Variants in STARD13 observed in about 807,000 individuals in gnomAD.
The protein encoded by STARD13 is StAR related lipid transfer domain containing 13.
In STARD13, 62 loss-of-function variants were observed where a neutral mutation model predicts 106.4. The observed-to-expected ratio is 0.58, with a 90% confidence interval of 0.48 to 0.72. The LOEUF (loss-of-function observed/expected upper bound fraction) is 0.72, where lower values mean the gene tolerates loss of function less well. Ranked by LOEUF, STARD13 falls within the 30% of genes least tolerant of loss-of-function variation. The pLI is 0.00. For missense variants in STARD13, 1,387 were observed against 1,424.0 expected (o/e 0.97, Z 0.42); for synonymous variants, 565 against 553.0 (o/e 1.02, Z -0.31).
At chr13:33,640,823 T>A in the STARD13 span, among the ~76,000 whole-genome samples, 1 of 152,180 alleles carries the variant, frequency 6.6e-6, no homozygotes. Flanking sequence ...ATAGGAATTG[T>A]TTTTCTTTTT....
chr13:33,484,257 A>G, the STARD13 span, among the ~76,000 whole-genome samples: 7 of 152,294 alleles, frequency 4.6e-5, no homozygotes, highest in African/African-American at 1.7e-4. Context: ...AAACTAAAAC[A>G]TGGTCACAGG....
chr13:33,557,148 C>T, the STARD13 span, among the ~76,000 whole-genome samples: 1 of 152,060 alleles, frequency 6.6e-6, no homozygotes, highest in African/African-American at 2.4e-5. Flanking sequence ...TCCTTTAACC[C>T]CTTAGATTGA....
the STARD13 span, among the ~76,000 whole-genome samples, chr13:33,441,502 C>T: frequency 6.6e-6 from 1 of 152,182 alleles, no homozygotes; most frequent in African/African-American, 2.4e-5. Flanking sequence ...AGCCTCATTT[C>T]CTCATCAGTA....
chr13:33,392,794 C>G, the STARD13 span, among the ~76,000 whole-genome samples: 3 of 152,192 alleles, frequency 2.0e-5, no homozygotes, highest in Non-Finnish European at 4.4e-5. Flanking sequence ...TATGCACTGG[C>G]AGAAACACTT....
At chr13:33,453,583 G>A in the STARD13 span, among the ~76,000 whole-genome samples, 6 of 152,174 alleles carry the variant, frequency 3.9e-5, no homozygotes, top group African/African-American at 1.4e-4. Flanking sequence ...ATCCCAATAA[G>A]AGATGAAGTA....
At chr13:33,150,512 T>C (rs1881134508) in intron 3 of STARD13, among the ~76,000 whole-genome samples, 1 of 152,224 alleles carries the variant, frequency 6.6e-6, no homozygotes, top group South Asian at 2.1e-4. Flanking sequence ...ATTTATCTGC[T>C]CCTGTCTACT....
At chr13:33,486,608 T>C in the STARD13 span, among the ~76,000 whole-genome samples, 1 of 152,220 alleles carries the variant, frequency 6.6e-6, no homozygotes, top group Non-Finnish European at 1.5e-5. Flanking sequence ...CTGTCCTCTT[T>C]CCATCTTTCC....
At chr13:33,432,254 G>A in the STARD13 span, among the ~76,000 whole-genome samples, 1 of 151,942 alleles carries the variant, frequency 6.6e-6, no homozygotes, top group Admixed American at 6.6e-5. Context: ...ATATAATTTT[G>A]GAATCTTTCT....
chr13:33,530,473 T>A, the STARD13 span, among the ~76,000 whole-genome samples: 1 of 151,778 alleles, frequency 6.6e-6, no homozygotes, highest in Non-Finnish European at 1.5e-5. Context: ...TACATTTTTT[T>A]ATGTCTTTTG....
chr13:33,136,520 C>T (rs900775815), intron 4 of STARD13, among the ~76,000 whole-genome samples: 8 of 152,208 alleles, frequency 5.3e-5, no homozygotes, highest in African/African-American at 1.9e-4. Context: ...GATCCTCACC[C>T]TTCCTCTATT....
chr13:33,604,990 C>T, the STARD13 span, among the ~76,000 whole-genome samples: 1 of 151,880 alleles, frequency 6.6e-6, no homozygotes, highest in African/African-American at 2.4e-5. Flanking sequence ...ACCTGTAATC[C>T]TAGCACTTTG....
At chr13:33,499,761 C>CTTTTTTT in the STARD13 span, among the ~76,000 whole-genome samples, 9 of 94,570 alleles carry the variant, frequency 9.5e-5, no homozygotes, top group Non-Finnish European at 1.6e-4. Flanking sequence ...CTTCTTCTTT[C>CTTTTTTT]TTTTTTTTTT....
At chr13:33,338,884 C>CA (rs748411311) in intron 1 of STARD13, among the ~76,000 whole-genome samples, 197 of 120,138 alleles carry the variant, frequency 1.6e-3, no homozygotes, top group African/African-American at 3.5e-3. Context: ...GACTCCGTCT[C>CA]AAAAAAAAAA....
rs140705675 is a variant in STARD13, at chr13:33,297,388, G to A, written c.124+52902C>T. Among the ~76,000 whole-genome samples, 200 of 152,266 alleles carry A rather than the reference G, an allele frequency of 1.3e-3. 5 individuals carry two copies. The East Asian group carries it at 0.033, about 25-fold the overall frequency. On this transcript the variant is annotated intron_variant, in intron 1 of 5. Transcript: ENST00000567873. Reference sequence around the variant, plus strand: ...GAACTTGCTATCTTTTGTAACAAAAGCTCCTCACAATCTTCAATGACCTTA... The same window carrying A: ...GAACTTGCTATCTTTTGTAACAAAAACTCCTCACAATCTTCAATGACCTTA...
At chr13:33,175,978 T>C (rs4291797) in intron 1 of STARD13, among the ~76,000 whole-genome samples, 36,548 of 151,984 alleles carry the variant, frequency 0.24, 6,540 homozygotes, top group African/African-American at 0.5. Context: ...GCCATGTAGG[T>C]GAAAGAAGGA....
At chr13:33,657,283 G>A in the STARD13 span, among the ~76,000 whole-genome samples, 4 of 151,270 alleles carry the variant, frequency 2.6e-5, no homozygotes, top group South Asian at 2.1e-4. Flanking sequence ...AACAAACAAA[G>A]AAAAAAAACA....
chr13:33,520,706 T>C, the STARD13 span, among the ~76,000 whole-genome samples: 1 of 152,036 alleles, frequency 6.6e-6, no homozygotes, highest in Non-Finnish European at 1.5e-5. Flanking sequence ...CAAAAATCCT[T>C]GGAACTTCCC....
chr13:33,385,524 A>G, the STARD13 span, among the ~76,000 whole-genome samples: 1 of 149,648 alleles, frequency 6.7e-6, no homozygotes, highest in South Asian at 2.1e-4. Flanking sequence ...AAGAGCAGAG[A>G]TAAAGGGGAA....
chr13:33,575,682 C>G, the STARD13 span, among the ~76,000 whole-genome samples: 1 of 152,030 alleles, frequency 6.6e-6, no homozygotes, highest in African/African-American at 2.4e-5. Context: ...GCCAGGACGC[C>G]ACTCAGGTTT....
Sources: allele counts gnomAD v4.1 joint callset (sites outside exome capture counted in the v4.1 genomes callset), GRCh38; gene constraint gnomAD v4.1.1; transcripts MANE v1.5; gene names NCBI Gene and HGNC (gene_info 2026-07-23, HGNC 2026-07-21).